The following PNPT1 variants were observed in gnomAD, a reference collection of about 807,000 sequenced individuals.
PNPT1 encodes polyribonucleotide nucleotidyltransferase 1.
PNPT1 carries 53 observed loss-of-function variants against 119.5 expected under a neutral mutation model. The ratio of observed to expected loss-of-function variants is 0.44; its 90% CI spans 0.36 to 0.56. PNPT1 has a LOEUF of 0.56. Ranked by LOEUF, PNPT1 falls within the 20% of genes least tolerant of loss-of-function variation. The probability of loss-of-function intolerance (pLI) is 0.00; values close to 1 mark genes in which losing one functional copy is unlikely to be tolerated. For synonymous variants in PNPT1, 357 were observed against 322.1 expected, an observed-to-expected ratio of 1.11 and a Z score of -1.16; for missense variants, 948 against 938.5, an observed-to-expected ratio of 1.01 and a Z score of -0.13.
At position 55,635,166 on chromosome 2, in the gene PNPT1, C is replaced by T. The variant is rs910862449; in HGVS notation, c.*1071G>A. The T allele has an allele frequency of 9.2e-5, 14 of 152,290 alleles. No individual in the cohort carries two copies. Among genetic ancestry groups the T allele is most frequent in the African/African-American group, 3.1e-4 (13 of 41,566 alleles). 9.4% of individuals were successfully genotyped at this position (152,290 alleles called of 1,614,324 possible). The stretch of plus-strand genomic sequence containing the variant: ...TATTTTAAATGATGGGAATGAACAA[C>T]TTGACATGTGTATCAGTAACCTCTA... On this transcript the variant is annotated 3_prime_UTR_variant, in exon 28 of 28. Coordinates refer to ENST00000447944, the MANE Select transcript of PNPT1 (RefSeq NM_033109.5).
intron 3 of PNPT1, among the ~76,000 whole-genome samples, chr2:55,686,122 C>G (rs1697399298): frequency 6.6e-6 from 1 of 150,894 alleles, no homozygotes; most frequent in Non-Finnish European, 1.5e-5. Flanking sequence ...TGTCAAAGTA[C>G]TCATGCACTT....
intron 1 of PNPT1, among the ~76,000 whole-genome samples, chr2:55,693,330 C>A (rs990929086): frequency 6.6e-6 from 1 of 152,132 alleles, no homozygotes; most frequent in Admixed American, 6.6e-5. Flanking sequence ...CCTCGTCTCA[C>A]CCACGTCAAC....
At chr2:55,652,884 G>C (rs982551070) in intron 18 of PNPT1, among the ~76,000 whole-genome samples, 1 of 152,186 alleles carries the variant, frequency 6.6e-6, no homozygotes, top group Non-Finnish European at 1.5e-5. Flanking sequence ...GAGTCACTCT[G>C]TTACCCAGGC....
chr2:55,678,944 T>A lies in PNPT1; in HGVS notation c.679+738A>T, dbSNP rs569173776. 5.9e-5 allele frequency among the ~76,000 whole-genome samples: 9 copies of A among 152,294 alleles called. 1 individual carries two copies. Among genetic ancestry groups the A allele is most frequent in the African/African-American group, 2.2e-4 (9 of 41,556 alleles). On this transcript the variant is annotated intron_variant, in intron 8 of 27. Transcript: ENST00000447944. ...TTTGTTTCATCAAAATGTTCCCACATCAGAAGACCCTATGTCAAAAAGTCA... is the reference window on the plus strand; with the variant it reads ...TTTGTTTCATCAAAATGTTCCCACAACAGAAGACCCTATGTCAAAAAGTCA...
At chr2:55,658,460 C>T (rs1696461289) in intron 15 of PNPT1, among the ~76,000 whole-genome samples, 1 of 152,062 alleles carries the variant, frequency 6.6e-6, no homozygotes, top group Non-Finnish European at 1.5e-5. Flanking sequence ...GTGGTGGTTA[C>T]AAGGATATTT....
chr2:55,691,222 T>C (rs72812145), intron 1 of PNPT1, among the ~76,000 whole-genome samples: 11,792 of 152,306 alleles, frequency 0.077, 528 homozygotes, highest in South Asian at 0.17. Flanking sequence ...TTCTGTTGAA[T>C]ATCCTCAGTG....
At position 55,693,785 on chromosome 2, in the gene PNPT1, G is replaced by C; in HGVS notation, c.39C>G (p.Leu13=). 2 of 1,614,056 alleles carry C rather than the reference G, an allele frequency of 1.2e-6. No homozygotes were observed. Among genetic ancestry groups the C allele is most frequent in the Non-Finnish European group, 1.7e-6 (2 of 1,180,048 alleles). The change falls in exon 1 of 28, where the codon CTC becomes CTG. Residue 13 remains leucine (L), a synonymous_variant. Transcript: ENST00000447944. The stretch of plus-strand genomic sequence containing the variant: ...GGAAAGGACCATCGCTCAGGGGCCG[G>C]AGCCGGAGGCACGAGCAGCAGTACC... ...ACRYCCSCLR[L]RPLSDGPFLL...
intron 13 of PNPT1, among the ~76,000 whole-genome samples, chr2:55,665,703 A>C (rs1696711818): frequency 6.6e-6 from 1 of 152,234 alleles, no homozygotes; most frequent in Non-Finnish European, 1.5e-5. Context: ...TGGTTTATGC[A>C]GTGACCATGT....
At position 55,679,663 on chromosome 2, in the gene PNPT1, G is replaced by C. The variant is rs1697185760; in HGVS notation, c.679+19C>G. ...TGTAAGTAAAATCCAGAACAAATGT[G>C]GTATTTAAAACAACTTACCAATCTG... On this transcript the variant is annotated intron_variant, in intron 8 of 27. Coordinates refer to ENST00000447944, the MANE Select transcript of PNPT1 (RefSeq NM_033109.5). 6.8e-7 allele frequency: 1 copy of C among 1,471,024 alleles called. No individual in the cohort carries two copies. Among genetic ancestry groups the C allele is most frequent in the Admixed American group, 1.7e-5 (1 of 59,228 alleles). The allele number at this position is 1,471,024 out of a possible 1,614,324, so 91.1% of individuals were successfully genotyped here.
At chr2:55,672,708 A>C (rs1231994700) in intron 9 of PNPT1, among the ~76,000 whole-genome samples, 185 bp downstream of exon 9, 1 of 152,256 alleles carries the variant, frequency 6.6e-6, no homozygotes, top group Non-Finnish European at 1.5e-5. Context: ...GTTAGGTCTT[A>C]CAAGAGTGAT....
At chr2:55,645,707 T>A (rs1419724700) in intron 21 of PNPT1, among the ~76,000 whole-genome samples, 1 of 152,208 alleles carries the variant, frequency 6.6e-6, no homozygotes, top group Non-Finnish European at 1.5e-5. Flanking sequence ...CTTCTTTTTT[T>A]AAAATAGATA....
rs1478541227 is a variant in PNPT1, at chr2:55,685,054, G to A, written c.298-6C>T. 6.4e-7 allele frequency: 1 copy of A among 1,564,358 alleles called. No individual in the cohort carries two copies. Among genetic ancestry groups the A allele is most frequent in the Admixed American group, 1.9e-5 (1 of 53,896 alleles). On this transcript the variant is annotated splice_polypyrimidine_tract_variant and splice_region_variant and intron_variant, in intron 3 of 27. Transcript: ENST00000447944. ...GCTTTTTGTCTGTAGTCAACCTGAA[G>A]CAGCAATAAAAAAAAGTTCATATAA...
chr2:55,685,512 C>T (rs1323335593), intron 3 of PNPT1, among the ~76,000 whole-genome samples: 1 of 151,294 alleles, frequency 6.6e-6, no homozygotes. Flanking sequence ...GCCTGGGTGA[C>T]AGAGCAAGAC....
rs1696964921 is a variant in PNPT1 at position 55,673,092 on chromosome 2, A to C, written c.680-13T>G. 3.9e-6 allele frequency: 6 copies of C among 1,534,654 alleles called. No individual in the cohort carries two copies. The highest frequency in any genetic ancestry group is 5.2e-6 in the Non-Finnish European group (6 of 1,148,270). ...GCTTCCAACATGACTATTTAAAGGA[A>C]AAAGAAAAAAAAAATGACTGCCATC... On this transcript the variant is annotated splice_polypyrimidine_tract_variant and intron_variant, in intron 8 of 27. Transcript: ENST00000447944.
chr2:55,684,262 CG>C (rs1559112023), intron 4 of PNPT1, among the ~76,000 whole-genome samples: 1 of 151,570 alleles, frequency 6.6e-6, no homozygotes, highest in Non-Finnish European at 1.5e-5. Flanking sequence ...GAGGCTGAGG[CG>C]GGTGGATCAC....
chr2:55,682,824 A>C (rs1261091924), intron 5 of PNPT1, among the ~76,000 whole-genome samples: 1 of 151,916 alleles, frequency 6.6e-6, no homozygotes, highest in East Asian at 2.0e-4. Context: ...TGGGAGGATC[A>C]CTTGGGCTCA....
intron 9 of PNPT1, among the ~76,000 whole-genome samples, chr2:55,672,593 G>C (rs181413547): frequency 8.5e-5 from 13 of 152,278 alleles, no homozygotes; most frequent in Non-Finnish European, 1.6e-4. Context: ...AGTTTCCTTA[G>C]ATATTCAAAT....
rs1474610589 is a variant in PNPT1, at chr2:55,654,989, G to C, written c.1442-36C>G. On this transcript the variant is annotated intron_variant, in intron 17 of 27. Transcript: ENST00000447944. Reference sequence around the variant, plus strand: ...AAAAATAACTGCTTTATATTAAACTGATTTTTTTAATGTAGAAAAGTGTTA... The same window carrying C: ...AAAAATAACTGCTTTATATTAAACTCATTTTTTTAATGTAGAAAAGTGTTA... 6 of 1,548,146 alleles carry C rather than the reference G, an allele frequency of 3.9e-6. No individual in the cohort carries two copies. In the Admixed American group the frequency reaches 8.8e-5, roughly 23 times the overall value.
At chr2:55,643,073 C>A (rs944082381) in intron 25 of PNPT1, 85 bp downstream of exon 25, 20 of 1,413,862 alleles carry the variant, frequency 1.4e-5, no homozygotes, top group Non-Finnish European at 1.9e-5. Flanking sequence ...ACAATGGCAC[C>A]ACTGTATCCC....
Sources: allele counts gnomAD v4.1 joint callset (sites outside exome capture counted in the v4.1 genomes callset), GRCh38; gene constraint gnomAD v4.1.1; transcripts MANE v1.5; gene names NCBI Gene and HGNC (gene_info 2026-07-23, HGNC 2026-07-21).